NPTN: variants seen among roughly 807,000 people sequenced by gnomAD.
NPTN encodes the protein neuroplastin, also known as SDR-1.
In NPTN, 5 loss-of-function variants were observed where a neutral mutation model predicts 42.7. The observed-to-expected ratio is 0.12, with a 90% CI of 0.06 to 0.25. NPTN has a LOEUF of 0.25. Among genes scored for constraint, NPTN ranks in the 10% least tolerant of loss-of-function variants. NPTN has a pLI of 1.00. For missense variants in NPTN, 307 were observed against 525.4 expected (o/e 0.58, Z 4.06); for synonymous variants, 180 against 201.9 (o/e 0.89, Z 0.92).
intron 8 of NPTN, 38 bp from the exon 9 acceptor site, chr15:73,561,086 T>G (rs1196808848): frequency 1.3e-5 from 2 of 152,514 alleles, no homozygotes; most frequent in Non-Finnish European, 2.9e-5. Context: ...ATAAAGGGAT[T>G]ATGCACTGTC....
At chr15:73,577,494 C>T (rs767360044) in intron 4 of NPTN, among the ~76,000 whole-genome samples, 1 of 152,142 alleles carries the variant, frequency 6.6e-6, no homozygotes, top group African/African-American at 2.4e-5. Flanking sequence ...CACTCCTGGG[C>T]GCAGGCTGAA....
At chr15:73,568,795 A>T (rs1011821284) in intron 6 of NPTN, 1 of 985,382 alleles carries the variant, frequency 1.0e-6, no homozygotes, top group South Asian at 4.7e-5. Flanking sequence ...GAGTCACCAG[A>T]TATTGTCAGT....
intron 4 of NPTN, among the ~76,000 whole-genome samples, chr15:73,578,362 G>C (rs1895806188): frequency 6.6e-6 from 1 of 152,158 alleles, no homozygotes; most frequent in African/African-American, 2.4e-5. Context: ...AGGCAAGGGA[G>C]AGGCTGGTTT....
In NPTN at chr15:73,573,707, G is replaced by A; in HGVS notation, c.795C>T (p.Pro265=). ...ATMYCKSVGY[P]HPDWIWRKKE... ...TCTTGCGCCATATCCAGTCTGGGTG[G>A]GGGTAGCCAACTGACTTGCAATACA... Residue 265 remains proline (P), a synonymous_variant, in exon 5 of 9, where the codon CCC becomes CCT. Coordinates refer to ENST00000345330, the MANE Select transcript of NPTN (RefSeq NM_012428.4). The A allele has an allele frequency of 2.5e-6, 4 of 1,595,542 alleles. No individual in the cohort carries two copies. The South Asian group carries it at 4.6e-5, about 18-fold the overall frequency.
At position 73,633,174 on chromosome 15, in the gene NPTN, C is replaced by A; in HGVS notation, c.42G>T (p.Leu14=). ...SSLPSALALS[L]LLVSGSLLPG... is the part of the protein sequence containing the mutation. ...GGAGGAGGGAGCCAGAGACCAGCAA[C>A]AGCGAGAGGGCCAGGGCGCTGGGCA... The change falls in exon 1 of 9, where the codon CTG becomes CTT. Residue 14 remains leucine, a synonymous_variant. Transcript: ENST00000345330. The A allele has an allele frequency of 7.2e-6, 11 of 1,520,326 alleles. No homozygotes were observed. Among genetic ancestry groups the A allele is most frequent in the Non-Finnish European group, 8.8e-6 (10 of 1,140,750 alleles). 94.2% of individuals were successfully genotyped at this position (1,520,326 alleles called of 1,614,324 possible).
intron 1 of NPTN, among the ~76,000 whole-genome samples, chr15:73,614,330 T>G (rs1032498625): frequency 1.4e-5 from 2 of 144,392 alleles, no homozygotes; most frequent in Non-Finnish European, 3.1e-5. Context: ...AAAAAAAAAA[T>G]GCATATTTAT....
At chr15:73,580,429 TATAATATATATAA>T (rs1240526443) in intron 4 of NPTN, among the ~76,000 whole-genome samples, 2 of 97,516 alleles carry the variant, frequency 2.1e-5, no homozygotes, top group African/African-American at 3.6e-5. Context: ...ATAATATATA[TATAATATATATAA>T]TATATATGTA....
chr15:73,607,907 C>T (rs990971099), intron 1 of NPTN, among the ~76,000 whole-genome samples: 2 of 152,058 alleles, frequency 1.3e-5, no homozygotes, highest in African/African-American at 4.8e-5. Flanking sequence ...CATACTCTGA[C>T]AATATCTTGG....
chr15:73,593,512 T>C (rs981649186), intron 2 of NPTN, among the ~76,000 whole-genome samples: 4 of 152,188 alleles, frequency 2.6e-5, no homozygotes, highest in Non-Finnish European at 5.9e-5. Flanking sequence ...CACCATTTTA[T>C]ACAGTATTGT....
At chr15:73,562,042 A>T (rs1894705734) in intron 7 of NPTN, 72 bp from the exon 8 acceptor site, 1 of 1,126,302 alleles carries the variant, frequency 8.9e-7, no homozygotes, top group Non-Finnish European at 1.3e-6. Flanking sequence ...ACATGGAAAT[A>T]CAGGGACTCT....
intron 1 of NPTN, among the ~76,000 whole-genome samples, chr15:73,631,463 CAT>C (rs1362841031): frequency 6.6e-6 from 1 of 152,176 alleles, no homozygotes. Context: ...ATGAAGCACA[CAT>C]AAAATTTGGT....
intron 1 of NPTN, among the ~76,000 whole-genome samples, chr15:73,618,535 G>T (rs1455850445): frequency 6.6e-6 from 1 of 152,186 alleles, no homozygotes; most frequent in African/African-American, 2.4e-5. Flanking sequence ...AAGAAAGTAT[G>T]TGTAAGAAGA....
At chr15:73,623,733 A>G (rs565383507) in intron 1 of NPTN, among the ~76,000 whole-genome samples, 1 of 152,102 alleles carries the variant, frequency 6.6e-6, no homozygotes, top group African/African-American at 2.4e-5. Context: ...TGAAAAGTCC[A>G]TTTCATTTCA....
Position 73,560,148 on chromosome 15 carries a change from AAAATCTATCAT to A in NPTN, c.*904_*914del, listed in dbSNP as rs1344152202. On this transcript the variant is annotated 3_prime_UTR_variant, in exon 9 of 9. Transcript: ENST00000345330. ...CACCGCATGAGAACCGTTAGGTTATAAAATCTATCATCAACCAGTAAATCAATGTGAAAAAA... is the reference window on the plus strand; with the variant it reads ...CACCGCATGAGAACCGTTAGGTTATACAACCAGTAAATCAATGTGAAAAAA... 2.8e-6 allele frequency: 1 copy of A among 359,504 alleles called. No individual in the cohort carries two copies. The highest frequency in any genetic ancestry group is 2.1e-5 in the African/African-American group (1 of 46,646). 22.3% of individuals were successfully genotyped at this position (359,504 alleles called of 1,614,324 possible).
chr15:73,571,984 A>G (rs1895423431), intron 5 of NPTN, among the ~76,000 whole-genome samples: 1 of 152,194 alleles, frequency 6.6e-6, no homozygotes, highest in African/African-American at 2.4e-5. Flanking sequence ...AGTGACCAGC[A>G]GAGAGAAGTG....
chr15:73,597,213 C>A lies in NPTN; in HGVS notation c.248G>T (p.Arg83Leu), dbSNP rs1896873066. 2.5e-6 allele frequency: 4 copies of A among 1,614,104 alleles called. No individual in the cohort carries two copies. Among genetic ancestry groups the A allele is most frequent in the Non-Finnish European group, 3.4e-6 (4 of 1,180,012 alleles). Residue 83 changes from arginine (R) to leucine (L), a missense_variant, in exon 2 of 9, where the codon CGG becomes CTG. Arg to Leu is a moderately radical substitution (Grantham distance 102). Coordinates refer to ENST00000345330, the MANE Select transcript of NPTN (RefSeq NM_012428.4). The surrounding 1 kb of genome is among the most constrained non-coding windows in gnomAD (Gnocchi z 6.3). ...GGTGTTTACGGTGACACGGCGCTTC[C>A]GAGCACCGTCCCACAGCTGTCTGAA... ...ESFRQLWDGA[R>L]KRRVTVNTAY...
chr15:73,620,284 T>C (rs1293501316), intron 1 of NPTN, among the ~76,000 whole-genome samples: 1 of 152,254 alleles, frequency 6.6e-6, no homozygotes, highest in Non-Finnish European at 1.5e-5. Context: ...GCTGTTCTCC[T>C]TGCCTTTCCA....
intron 1 of NPTN, among the ~76,000 whole-genome samples, chr15:73,610,892 TC>T (rs989000724): frequency 2.0e-5 from 3 of 152,082 alleles, no homozygotes; most frequent in African/African-American, 7.2e-5. Context: ...GGGAACATTT[TC>T]CCCCCTCTAG....
At chr15:73,579,500 G>A (rs150293276) in intron 4 of NPTN, among the ~76,000 whole-genome samples, 1 of 151,730 alleles carries the variant, frequency 6.6e-6, no homozygotes, top group Non-Finnish European at 1.5e-5. Context: ...TTTTGCTTTG[G>A]GGACTCATTT....
Sources: allele counts gnomAD v4.1 joint callset (sites outside exome capture counted in the v4.1 genomes callset), GRCh38; gene constraint gnomAD v4.1.1; non-coding constraint Gnocchi (gnomAD v3.1); transcripts MANE v1.5; gene names NCBI Gene and HGNC (gene_info 2026-07-23, HGNC 2026-07-21).